MFAP1: variants seen among roughly 807,000 people sequenced by gnomAD.
MFAP1 encodes microfibrillar-associated protein 1.
A neutral mutation model predicts 62.2 loss-of-function variants in MFAP1; 18 were observed. That is an observed-to-expected ratio of 0.29 (90% confidence interval 0.20 to 0.43). MFAP1 has a LOEUF of 0.43. Among genes scored for constraint, MFAP1 ranks in the 20% least tolerant of loss-of-function variants. MFAP1 has a pLI of 1.00. For missense variants in MFAP1, 355 were observed against 559.7 expected (o/e 0.63, Z 3.69); for synonymous variants, 175 against 180.4 (o/e 0.97, Z 0.24).
intron 4 of MFAP1, among the ~76,000 whole-genome samples, chr15:43,813,684 G>T (rs1389007701): frequency 6.6e-6 from 1 of 151,720 alleles, no homozygotes; most frequent in Non-Finnish European, 1.5e-5. Flanking sequence ...TAATTTCTTT[G>T]TATTTTTAGT....
chr15:43,819,363 G>A (rs2087453588), intron 1 of MFAP1, among the ~76,000 whole-genome samples: 2 of 152,078 alleles, frequency 1.3e-5, no homozygotes, highest in South Asian at 2.1e-4. Context: ...GCTGGCCTTG[G>A]ACTCCTGGCC....
At chr15:43,823,501 C>T (rs2087480103) in intron 1 of MFAP1, among the ~76,000 whole-genome samples, 2 of 151,948 alleles carry the variant, frequency 1.3e-5, no homozygotes, top group Admixed American at 1.3e-4. Context: ...CTCAGATTCC[C>T]AAGTAGCTGG....
intron 2 of MFAP1, 152 bp from the exon 3 acceptor site, chr15:43,815,226 C>T: frequency 2.1e-6 from 2 of 972,476 alleles, no homozygotes; most frequent in Non-Finnish European, 1.5e-6. Context: ...GTCGCCCAGG[C>T]TGCAGTGCAG....
rs191316298 is a variant in MFAP1, at chr15:43,804,881, A to C, written c.*213T>G. Reference sequence around the variant, plus strand: ...AATAGTTTTAAGTGGGAAGCCTCTAATCCTACCTGGACAGTGCTTTCCTGT... The same window carrying C: ...AATAGTTTTAAGTGGGAAGCCTCTACTCCTACCTGGACAGTGCTTTCCTGT... On this transcript the variant is annotated 3_prime_UTR_variant, in exon 9 of 9. Transcript: ENST00000267812. 44 of 432,720 alleles carry C rather than the reference A, an allele frequency of 1.0e-4. No homozygotes were observed. The highest frequency in any genetic ancestry group is 8.0e-4 in the African/African-American group (40 of 49,782). 26.8% of individuals were successfully genotyped at this position (432,720 alleles called of 1,614,324 possible). A position where few individuals can be genotyped will look rare whatever the true frequency, so the allele number is the denominator to read the frequency against.
At chr15:43,807,072 C>T (rs145543492) in intron 7 of MFAP1, among the ~76,000 whole-genome samples, 11 of 150,714 alleles carry the variant, frequency 7.3e-5, no homozygotes, top group South Asian at 2.1e-4. Flanking sequence ...ACATCTTGGC[C>T]GGGCATAGTA....
At chr15:43,818,741 C>T (rs954396774) in intron 1 of MFAP1, among the ~76,000 whole-genome samples, 29 of 151,758 alleles carry the variant, frequency 1.9e-4, no homozygotes, top group African/African-American at 6.8e-4. Context: ...AAAAAAATTA[C>T]CCGGACATAG....
intron 2 of MFAP1, among the ~76,000 whole-genome samples, chr15:43,815,464 C>T (rs28684672): frequency 0.15 from 22,580 of 152,056 alleles, 2,104 homozygotes; most frequent in East Asian, 0.26. Flanking sequence ...AGGTGTGAGC[C>T]ACCATGTCCA....
At position 43,814,928 on chromosome 15, in the gene MFAP1, A is replaced by C; in HGVS notation, c.429+17T>G. ...TCTTATATCCAGAAAAAAACTTCCC[A>C]TGTTCCTTTATCATACCTCATCATC... On this transcript the variant is annotated intron_variant, in intron 3 of 8. Coordinates refer to ENST00000267812, the MANE Select transcript of MFAP1 (RefSeq NM_005926.3). The C allele has an allele frequency of 6.2e-7, 1 of 1,611,700 alleles. No homozygotes were observed.
chr15:43,817,341 T>G lies in MFAP1; in HGVS notation c.187A>C (p.Ile63Leu). The change falls in exon 2 of 9, where the codon ATT becomes CTT. Residue 63 changes from isoleucine (I) to leucine (L), a missense_variant. By Grantham distance (5) the Ile-to-Leu change is conservative (BLOSUM62 2). Coordinates refer to ENST00000267812, the MANE Select transcript of MFAP1 (RefSeq NM_005926.3). ...GCTTCTTGTTCTTTGGCTTTCTTAA[T>G]GAACTGAAATTCTTCATCCTCCTCA... is the stretch of plus-strand genomic sequence containing the variant. ...SDEEDEEFQF[I>L]KKAKEQEAEP... 6.2e-7 allele frequency: 1 copy of G among 1,614,194 alleles called. No homozygotes were observed. Among genetic ancestry groups the G allele is most frequent in the Non-Finnish European group, 8.5e-7 (1 of 1,180,044 alleles).
chr15:43,810,142 T>C, intron 6 of MFAP1: 1 of 460,102 alleles, frequency 2.2e-6, no homozygotes, highest in Non-Finnish European at 3.8e-6. Context: ...TTCTAGCCCT[T>C]CTGACGTTCA....
chr15:43,810,384 T>G (rs2729521), intron 6 of MFAP1, among the ~76,000 whole-genome samples: 1 of 149,614 alleles, frequency 6.7e-6, no homozygotes, highest in Non-Finnish European at 1.5e-5. Flanking sequence ...TTCTTTTTGG[T>G]GAGATGGAGT....
chr15:43,812,967 A>G lies in MFAP1; in HGVS notation c.887+20T>C. The G allele has an allele frequency of 6.2e-7, 1 of 1,613,312 alleles. No homozygotes were observed. Among genetic ancestry groups the G allele is most frequent in the South Asian group, 1.1e-5 (1 of 90,906 alleles). On this transcript the variant is annotated intron_variant, in intron 6 of 8. Transcript: ENST00000267812. ...CTGTTCCATTAGCAGCATTAACTCT[A>G]GGCTCATCTTTTTACTCACGCTTCT...
intron 4 of MFAP1, 135 bp from the exon 5 acceptor site, chr15:43,813,492 C>G: frequency 1.4e-6 from 1 of 709,368 alleles, no homozygotes; most frequent in Non-Finnish European, 2.2e-6. Context: ...GCAAAAAACG[C>G]TGAGTCATCC....
At chr15:43,812,641 A>C (rs1302772969) in intron 6 of MFAP1, among the ~76,000 whole-genome samples, 2 of 152,158 alleles carry the variant, frequency 1.3e-5, no homozygotes, top group Non-Finnish European at 2.9e-5. Context: ...CAACCTCCAA[A>C]GTTGTGAAAA....
chr15:43,816,728 A>G (rs2087436332), intron 2 of MFAP1, among the ~76,000 whole-genome samples: 1 of 152,202 alleles, frequency 6.6e-6, no homozygotes, highest in Non-Finnish European at 1.5e-5. Flanking sequence ...TCTATAAAGT[A>G]ATGTCTCCAT....
Position 43,824,503 on chromosome 15 carries a change from GA to G in MFAP1, c.66del (p.Arg23AlafsTer12). 6.2e-7 allele frequency: 1 copy of G among 1,614,164 alleles called. No individual in the cohort carries two copies. Among genetic ancestry groups the G allele is most frequent in the Non-Finnish European group, 8.5e-7 (1 of 1,180,030 alleles). ...PIQSTAGAVPVRNEKGEISME... is the reference protein window; with the variant it reads ...PIQSTAGAVPXRNEKGEISME... ...GTTAGCACCGTACCTTTCTCATTGC[GA>G]ACTGGGACGGCCCCAGCCGTAGACT... On this transcript the variant is annotated frameshift_variant, in exon 1 of 9. Transcript: ENST00000267812. LOFTEE classifies it high-confidence loss of function.
intron 1 of MFAP1, 127 bp downstream of exon 1, chr15:43,824,364 T>C (rs112852100): frequency 3.4e-6 from 3 of 894,286 alleles, no homozygotes; most frequent in Non-Finnish European, 5.2e-6. Flanking sequence ...GGTGGAAAGA[T>C]CGAAGAATCT....
chr15:43,811,543 T>C (rs1726848858), intron 6 of MFAP1, among the ~76,000 whole-genome samples: 1 of 150,540 alleles, frequency 6.6e-6, no homozygotes, highest in African/African-American at 2.4e-5. Context: ...AGTCTCACTC[T>C]GTCACCTAGG....
chr15:43,807,517 TTTTTGTA>T (rs1011614546), intron 7 of MFAP1, among the ~76,000 whole-genome samples: 1 of 151,224 alleles, frequency 6.6e-6, no homozygotes, highest in African/African-American at 2.4e-5. Context: ...CCTAGCTAAT[TTTTTGTA>T]TTTTTAGTAG....
Sources: allele counts gnomAD v4.1 joint callset (sites outside exome capture counted in the v4.1 genomes callset), GRCh38; gene constraint gnomAD v4.1.1; transcripts MANE v1.5; gene names NCBI Gene and HGNC (gene_info 2026-07-23, HGNC 2026-07-21).